The following STK24 variants were observed in gnomAD, a reference collection of about 807,000 sequenced individuals.
STK24 encodes the protein serine/threonine-protein kinase 24.
STK24 carries 21 observed loss-of-function variants against 55.6 expected under a neutral mutation model. That is an observed-to-expected ratio of 0.38 (90% CI 0.27 to 0.54). The LOEUF (loss-of-function observed/expected upper bound fraction) is 0.54, where lower values mean the gene tolerates loss of function less well. STK24 is among the 20% of genes least tolerant of loss of function. STK24 has a pLI of 0.79. For missense variants in STK24, 383 were observed against 538.4 expected (o/e 0.71, Z 2.86); for synonymous variants, 200 against 215.2 (o/e 0.93, Z 0.62).
At chr13:98,468,057 C>A (rs1486544942) in intron 5 of STK24, among the ~76,000 whole-genome samples, 1 of 152,186 alleles carries the variant, frequency 6.6e-6, no homozygotes, top group African/African-American at 2.4e-5. Context: ...CAAGGAAATG[C>A]ATAGGCGGAA....
intron 2 of STK24, among the ~76,000 whole-genome samples, chr13:98,516,500 G>A (rs1485992746): frequency 5.3e-5 from 8 of 152,148 alleles, no homozygotes; most frequent in Non-Finnish European, 1.0e-4. Flanking sequence ...CTCTTCCCAC[G>A]AAGCACACTA....
At chr13:98,538,381 C>T (rs1896794636) in intron 1 of STK24, among the ~76,000 whole-genome samples, 1 of 152,000 alleles carries the variant, frequency 6.6e-6, no homozygotes, top group Non-Finnish European at 1.5e-5. Flanking sequence ...CCCACCACCA[C>T]ACACAGCTAA....
At position 98,477,597 on chromosome 13, in the gene STK24, C is replaced by A. The variant is rs1894424981; in HGVS notation, c.331-2239G>T. Among the ~76,000 whole-genome samples, 4 of 151,894 alleles carry A rather than the reference C, an allele frequency of 2.6e-5. No homozygotes were observed. The South Asian group carries it at 8.3e-4, about 32-fold the overall frequency. On this transcript the variant is annotated intron_variant, in intron 3 of 10. Coordinates refer to ENST00000539966, the MANE Select transcript of STK24 (RefSeq NM_001032296.4). ...GGCTGAGGCAGGAGAATCGCTTGAA[C>A]CCAGGAGGCAGAGGTTGCAATGAGC...
intron 1 of STK24, among the ~76,000 whole-genome samples, chr13:98,546,997 C>T (rs1897046467): frequency 6.6e-6 from 1 of 152,122 alleles, no homozygotes; most frequent in South Asian, 2.1e-4. Context: ...CCGCAACCTC[C>T]GCTTCCCAGG....
intron 1 of STK24, chr13:98,576,298 C>G: frequency 1.1e-6 from 1 of 888,582 alleles, no homozygotes; most frequent in Non-Finnish European, 1.3e-6. Flanking sequence ...CGCCCGCCTG[C>G]CCGGGGGTGG....
intron 2 of STK24, among the ~76,000 whole-genome samples, chr13:98,495,249 C>T (rs1441265981): frequency 6.6e-6 from 1 of 152,162 alleles, no homozygotes; most frequent in African/African-American, 2.4e-5. Context: ...AAATAAGTCT[C>T]CTTTTATTAC....
chr13:98,533,210 C>G (rs1436624257), intron 1 of STK24, among the ~76,000 whole-genome samples: 1 of 152,188 alleles, frequency 6.6e-6, no homozygotes, highest in Admixed American at 6.5e-5. Flanking sequence ...GAAACCCCAT[C>G]TCTACAAAAA....
At chr13:98,511,181 G>C (rs1282527512) in intron 2 of STK24, among the ~76,000 whole-genome samples, 1 of 152,182 alleles carries the variant, frequency 6.6e-6, no homozygotes, top group East Asian at 1.9e-4. Flanking sequence ...CCACATGGTA[G>C]CATTTACCTA....
At chr13:98,495,084 G>A (rs964731514) in intron 2 of STK24, among the ~76,000 whole-genome samples, 1 of 152,214 alleles carries the variant, frequency 6.6e-6, no homozygotes, top group African/African-American at 2.4e-5. Flanking sequence ...CAACAACCAC[G>A]ACAACTTGTT....
chr13:98,465,251 C>T lies in STK24; in HGVS notation c.783+1125G>A, dbSNP rs547916421. Among the ~76,000 whole-genome samples, 270 of 152,330 alleles carry T rather than the reference C, an allele frequency of 1.8e-3. No individual in the cohort carries two copies. The Middle Eastern group carries it at 0.041, about 23-fold the overall frequency. ...TTTTCAGATTCAAACTCATGAGAAA[C>T]GTGGATCACCTCAAGTATTCTCCCT... On this transcript the variant is annotated intron_variant, in intron 6 of 10. Transcript: ENST00000539966.
chr13:98,551,861 T>C (rs1031212474), intron 1 of STK24, among the ~76,000 whole-genome samples: 1 of 152,196 alleles, frequency 6.6e-6, no homozygotes, highest in Non-Finnish European at 1.5e-5. Context: ...TAAATCTTTG[T>C]TGAGAAATGA....
chr13:98,565,100 C>G (rs942327750), intron 1 of STK24, among the ~76,000 whole-genome samples: 1 of 152,190 alleles, frequency 6.6e-6, no homozygotes, highest in African/African-American at 2.4e-5. Context: ...TTCAAATGGG[C>G]AAGGCTACTG....
intron 1 of STK24, among the ~76,000 whole-genome samples, chr13:98,556,766 CT>C (rs1897299517): frequency 6.6e-6 from 1 of 152,166 alleles, no homozygotes; most frequent in African/African-American, 2.4e-5. Flanking sequence ...TTTAAACAGC[CT>C]TAAATTCTGC....
At chr13:98,575,841 C>T (rs1897875949) in intron 1 of STK24, among the ~76,000 whole-genome samples, 3 of 152,082 alleles carry the variant, frequency 2.0e-5, no homozygotes. Context: ...CAAGAGTTAG[C>T]CAAGGACGGT....
At chr13:98,510,403 T>C (rs1895842769) in intron 2 of STK24, among the ~76,000 whole-genome samples, 1 of 152,124 alleles carries the variant, frequency 6.6e-6, no homozygotes, top group Non-Finnish European at 1.5e-5. Flanking sequence ...CCAAAACACA[T>C]TTGACCCAAT....
intron 2 of STK24, among the ~76,000 whole-genome samples, chr13:98,484,647 A>C (rs888657927): frequency 3.3e-5 from 5 of 152,164 alleles, no homozygotes; most frequent in Non-Finnish European, 7.4e-5. Context: ...CCACGAAGGT[A>C]CGTCACCACT....
At chr13:98,479,906 A>G (rs756702444) in intron 3 of STK24, among the ~76,000 whole-genome samples, 1 of 152,130 alleles carries the variant, frequency 6.6e-6, no homozygotes, top group Non-Finnish European at 1.5e-5. Context: ...AGGTTGGTAG[A>G]GGACACTGCG....
chr13:98,512,355 T>TCTTA (rs1382912560), intron 2 of STK24, among the ~76,000 whole-genome samples: 1 of 152,040 alleles, frequency 6.6e-6, no homozygotes, highest in Non-Finnish European at 1.5e-5. Context: ...AAAACTCAAC[T>TCTTA]CTTACCTGAG....
chr13:98,541,317 A>ATTTGGTC (rs1896884525), intron 1 of STK24, among the ~76,000 whole-genome samples: 1 of 152,196 alleles, frequency 6.6e-6, no homozygotes, highest in African/African-American at 2.4e-5. Flanking sequence ...GGCCCGAGAA[A>ATTTGGTC]TAGCAGCCTG....
Sources: allele counts gnomAD v4.1 joint callset (sites outside exome capture counted in the v4.1 genomes callset), GRCh38; gene constraint gnomAD v4.1.1; transcripts MANE v1.5; gene names NCBI Gene and HGNC (gene_info 2026-07-23, HGNC 2026-07-21).